The following UNC13C variants were observed in gnomAD, a reference collection of about 807,000 sequenced individuals.
UNC13C encodes the protein unc-13 homolog C, also known as protein unc-13 homolog C.
UNC13C carries 174 observed loss-of-function variants against 245.4 expected under a neutral mutation model. The ratio of observed to expected loss-of-function variants is 0.71; its 90% CI spans 0.63 to 0.80. The LOEUF is 0.80. UNC13C is among the 30% of genes least tolerant of loss of function. The pLI, the probability that UNC13C is intolerant of heterozygous loss-of-function variation, is 0.00. For synonymous variants in UNC13C, 992 were observed against 895.1 expected, an observed-to-expected ratio of 1.11 and a Z score of -1.93; for missense variants, 2,829 against 2,602.9, an observed-to-expected ratio of 1.09 and a Z score of -1.89.
chr15:54,116,104 G>A (rs1190304480), intron 2 of UNC13C, among the ~76,000 whole-genome samples: 3 of 151,122 alleles, frequency 2.0e-5, no homozygotes, highest in East Asian at 1.9e-4. Flanking sequence ...CTCCTTGCCC[G>A]CCCCCTCACC....
chr15:54,580,637 G>T (rs1275222284), intron 30 of UNC13C, among the ~76,000 whole-genome samples: 2 of 152,148 alleles, frequency 1.3e-5, no homozygotes, highest in Non-Finnish European at 2.9e-5. Flanking sequence ...AACTACAAGT[G>T]ATAATACCCA....
At position 54,151,430 on chromosome 15, in the gene UNC13C, A is replaced by C. The variant is rs28742946; in HGVS notation, c.3071+7746A>C. On this transcript the variant is annotated intron_variant, in intron 4 of 32. Transcript: ENST00000260323. Reference sequence around the variant, plus strand: ...TTTATTCCTTTTTTTTCTGAGATGGAGTCTCACTCTCACTGAAGCAGGAGT... The same window carrying C: ...TTTATTCCTTTTTTTTCTGAGATGGCGTCTCACTCTCACTGAAGCAGGAGT... Among the ~76,000 whole-genome samples the C allele has an allele frequency of 4.8e-3, 728 of 152,158 alleles. 9 individuals carry two copies. The highest frequency in any genetic ancestry group is 0.017 in the African/African-American group (702 of 41,538).
Position 54,567,825 on chromosome 15 carries a change from G to C in UNC13C, c.5984G>C (p.Gly1995Ala). ...IKQYFHAGGN[G>A]LKKNFLEKSP... ...CAATACTTTCATGCAGGAGGAAATG[G>C]CCTGAAAAAGAATTTCTTGGAGAAA... The change falls in exon 30 of 33, where the codon GGC becomes GCC. Residue 1995 changes from glycine (G) to alanine (A), a missense_variant. Physicochemically the swap from Gly to Ala is moderately conservative, Grantham distance 60. Coordinates refer to ENST00000260323, the MANE Select transcript of UNC13C (RefSeq NM_001080534.3). 1 of 1,602,940 alleles carries C rather than the reference G, an allele frequency of 6.2e-7. No homozygotes were observed. The highest frequency in any genetic ancestry group is 8.5e-7 in the Non-Finnish European group (1 of 1,173,924).
intron 10 of UNC13C, among the ~76,000 whole-genome samples, chr15:54,280,591 T>G (rs75960045): frequency 0.017 from 2,494 of 149,878 alleles, 77 homozygotes; most frequent in African/African-American, 0.059. Flanking sequence ...TGTCTCTCTC[T>G]CTCTCTCTTG....
chr15:54,067,650 A>C (rs1898135112), intron 2 of UNC13C, among the ~76,000 whole-genome samples: 2 of 152,196 alleles, frequency 1.3e-5, no homozygotes, highest in Admixed American at 1.3e-4. Flanking sequence ...CTATTGTACA[A>C]AGCTGTAGGT....
Position 54,107,443 on chromosome 15 carries a change from C to T in UNC13C, c.2984-35575C>T, listed in dbSNP as rs143755473. Among the ~76,000 whole-genome samples the T allele has an allele frequency of 3.7e-3, 564 of 152,242 alleles. 2 individuals carry two copies. The highest frequency in any genetic ancestry group is 6.8e-3 in the Middle Eastern group (2 of 294). ...GTACTTTGATGCATTGCTTGATAAACATAAGGAGGTGCCCGGCATTGAGTT... is the reference window on the plus strand; with the variant it reads ...GTACTTTGATGCATTGCTTGATAAATATAAGGAGGTGCCCGGCATTGAGTT... On this transcript the variant is annotated intron_variant, in intron 2 of 32. Transcript: ENST00000260323.
intron 30 of UNC13C, among the ~76,000 whole-genome samples, chr15:54,577,327 T>G (rs1037378722): frequency 9.9e-5 from 15 of 152,146 alleles, no homozygotes; most frequent in African/African-American, 3.6e-4. Context: ...AAAGATCCAT[T>G]TATCCTTTCA....
intron 17 of UNC13C, among the ~76,000 whole-genome samples, chr15:54,350,011 G>A (rs1339024761): frequency 2.0e-5 from 3 of 151,022 alleles, no homozygotes; most frequent in African/African-American, 7.3e-5. Flanking sequence ...TTTTTGAGAC[G>A]GAGTCTCACT....
At chr15:54,092,307 T>G (rs1277178297) in intron 2 of UNC13C, among the ~76,000 whole-genome samples, 6 of 152,206 alleles carry the variant, frequency 3.9e-5, no homozygotes, top group African/African-American at 1.2e-4. Flanking sequence ...ATTTTGAGTT[T>G]GTTTTTGGGC....
At chr15:53,901,438 A>G in the UNC13C span, among the ~76,000 whole-genome samples, 47 of 151,044 alleles carry the variant, frequency 3.1e-4, 3 homozygotes, top group South Asian at 9.9e-3. Flanking sequence ...GTTAGCCAGG[A>G]TGGTCTCGAT....
At chr15:54,038,630 GT>G (rs1896688949) in intron 2 of UNC13C, among the ~76,000 whole-genome samples, 1 of 152,050 alleles carries the variant, frequency 6.6e-6, no homozygotes, top group Non-Finnish European at 1.5e-5. Flanking sequence ...ATCTTTCCAA[GT>G]GATTAAGTGA....
chr15:54,459,284 C>G (rs188574319), intron 19 of UNC13C, among the ~76,000 whole-genome samples: 1 of 152,274 alleles, frequency 6.6e-6, no homozygotes, highest in East Asian at 1.9e-4. Context: ...TCTACTGTTT[C>G]CTTTATAGGT....
At chr15:53,927,225 C>A in the UNC13C span, among the ~76,000 whole-genome samples, 20 of 152,308 alleles carry the variant, frequency 1.3e-4, no homozygotes, top group Non-Finnish European at 2.4e-4. Context: ...CAGGATTTAA[C>A]CTAGGCTCTG....
chr15:54,074,378 A>G (rs908054661), intron 2 of UNC13C, among the ~76,000 whole-genome samples: 3 of 152,192 alleles, frequency 2.0e-5, no homozygotes, highest in Non-Finnish European at 4.4e-5. Context: ...TTGGTTCCAT[A>G]TGAAATTTAA....
At chr15:54,038,237 C>A (rs1033719345) in intron 2 of UNC13C, among the ~76,000 whole-genome samples, 1 of 149,742 alleles carries the variant, frequency 6.7e-6, no homozygotes, top group Non-Finnish European at 1.5e-5. Flanking sequence ...ATTCTCATAC[C>A]TTAGCCTCCT....
chr15:54,426,442 A>G (rs578219081), intron 19 of UNC13C, among the ~76,000 whole-genome samples: 20 of 150,840 alleles, frequency 1.3e-4, no homozygotes, highest in African/African-American at 4.6e-4. Context: ...GCCCTCCAAC[A>G]TGGTGCCTTG....
At chr15:53,906,755 A>G in the UNC13C span, among the ~76,000 whole-genome samples, 2 of 152,224 alleles carry the variant, frequency 1.3e-5, no homozygotes, top group South Asian at 2.1e-4. Context: ...TGGGTAATTT[A>G]TAAAGCAAAG....
chr15:54,001,888 G>A (rs1894905823), intron 1 of UNC13C, among the ~76,000 whole-genome samples: 1 of 152,180 alleles, frequency 6.6e-6, no homozygotes, highest in Non-Finnish European at 1.5e-5. Context: ...GGCACCAAAT[G>A]ACACACATGA....
the UNC13C span, among the ~76,000 whole-genome samples, chr15:53,893,868 G>A: frequency 9.2e-5 from 14 of 152,270 alleles, no homozygotes; most frequent in South Asian, 6.2e-4. Flanking sequence ...GAACGGTTCC[G>A]TCTCGCTGAC....
Sources: gnomAD v4.1 joint callset for allele counts (sites outside exome capture counted in the v4.1 genomes callset) on GRCh38, gnomAD v4.1.1 for gene constraint, MANE v1.5 for transcripts, NCBI Gene and HGNC (gene_info 2026-07-23, HGNC 2026-07-21) for gene names.